PDE4D: variants seen among roughly 807,000 people sequenced by gnomAD.
PDE4D encodes 3',5'-cyclic-AMP phosphodiesterase 4D.
A neutral mutation model predicts 87.4 loss-of-function variants in PDE4D; 24 were observed. That is an observed-to-expected ratio of 0.27 (90% CI 0.20 to 0.39). The LOEUF is 0.39. Among genes scored for constraint, PDE4D ranks in the 10% least tolerant of loss-of-function variants. PDE4D has a pLI of 1.00. For synonymous variants in PDE4D, 384 were observed against 383.2 expected (o/e 1.00, Z -0.02); for missense variants, 714 against 1,041.0 (o/e 0.69, Z 4.32).
At chr5:60,267,304 G>A (rs961096889) in intron 1 of PDE4D, among the ~76,000 whole-genome samples, 5 of 152,200 alleles carry the variant, frequency 3.3e-5, no homozygotes, top group African/African-American at 1.2e-4. Context: ...TCATGTGAGG[G>A]TTGTGTGTGT....
At position 60,130,080 on chromosome 5, in the gene PDE4D, T is replaced by C. The variant is rs76205528; in HGVS notation, c.42+55477A>G. Among the ~76,000 whole-genome samples the C allele has an allele frequency of 6.7e-3, 1,024 of 152,274 alleles. 17 individuals are homozygous for C. Among genetic ancestry groups the C allele is most frequent in the East Asian group, 0.046 (240 of 5,178 alleles). ...GTGAGGACACAGGTAGAATGCACCA[T>C]CTATAAGCCAGAAAGTGGGCCCTCA... On this transcript the variant is annotated intron_variant, in intron 2 of 16. Transcript: ENST00000502484.
chr5:59,787,485 C>T (rs1765305485), intron 1 of PDE4D, among the ~76,000 whole-genome samples: 1 of 152,144 alleles, frequency 6.6e-6, no homozygotes, highest in Non-Finnish European at 1.5e-5. Context: ...ACTCTATCAC[C>T]CATACACATG....
intron 1 of PDE4D, among the ~76,000 whole-genome samples, chr5:59,792,583 C>T (rs186626556): frequency 2.0e-5 from 3 of 151,948 alleles, no homozygotes; most frequent in Non-Finnish European, 2.9e-5. Flanking sequence ...AGGTTTGTGC[C>T]GTGAAGGAGA....
At chr5:59,122,868 A>G (rs915860104) in intron 5 of PDE4D, among the ~76,000 whole-genome samples, 27 of 152,320 alleles carry the variant, frequency 1.8e-4, no homozygotes, top group African/African-American at 5.5e-4. Flanking sequence ...ACTTCAATGT[A>G]TGGGAAGCCT....
intron 1 of PDE4D, among the ~76,000 whole-genome samples, chr5:60,386,843 C>T (rs570226999): frequency 6.6e-6 from 1 of 152,172 alleles, no homozygotes; most frequent in Admixed American, 6.5e-5. Flanking sequence ...TGGTAGATAT[C>T]TTTGATCTGG....
intron 1 of PDE4D, among the ~76,000 whole-genome samples, chr5:60,420,350 G>T (rs1742979461): frequency 6.6e-6 from 1 of 152,128 alleles, no homozygotes; most frequent in Non-Finnish European, 1.5e-5. Context: ...ACTGAATACT[G>T]CCAGGTTGAA....
chr5:60,116,116 C>T (rs1370653622), intron 2 of PDE4D, among the ~76,000 whole-genome samples: 1 of 152,042 alleles, frequency 6.6e-6, no homozygotes, highest in African/African-American at 2.4e-5. Flanking sequence ...AGGTCTTCTA[C>T]ATAGCATGAG....
intron 1 of PDE4D, among the ~76,000 whole-genome samples, chr5:59,566,172 T>G (rs1205649709): frequency 6.6e-6 from 1 of 152,142 alleles, no homozygotes; most frequent in East Asian, 1.9e-4. Flanking sequence ...ATTTTGACTT[T>G]AGAGGAAACA....
At chr5:59,417,817 G>C (rs1024302324) in intron 1 of PDE4D, among the ~76,000 whole-genome samples, 4 of 152,222 alleles carry the variant, frequency 2.6e-5, no homozygotes, top group African/African-American at 9.6e-5. Flanking sequence ...TAATAGTAGG[G>C]CAGATCAGTC....
rs1005654781 is a variant in PDE4D, at chr5:58,988,479, TAA to T, written c.1552+12_1552+13del. 1.6e-5 allele frequency: 19 copies of T among 1,188,446 alleles called. No homozygotes were observed. In the Admixed American group the frequency reaches 4.2e-4, roughly 26 times the overall value. The allele number at this position is 1,188,446 out of a possible 1,614,324, so 73.6% of individuals were successfully genotyped here. ...AAGGGAAAAATGTGTTCTGAAAAAA[TAA>T]AGTTTACTTACTTGTATTGATCAGA... is the stretch of plus-strand genomic sequence containing the variant. On this transcript the variant is annotated intron_variant, in intron 11 of 14. Transcript: ENST00000340635.
intron 2 of PDE4D, 26 bp downstream of exon 2, chr5:59,215,751 C>T: frequency 6.2e-7 from 1 of 1,604,432 alleles, no homozygotes; most frequent in Non-Finnish European, 8.5e-7. Flanking sequence ...TCGGTTTTCT[C>T]TCTCTTTGCC....
At chr5:59,755,936 C>A (rs1296598313) in intron 1 of PDE4D, among the ~76,000 whole-genome samples, 56 of 150,860 alleles carry the variant, frequency 3.7e-4, no homozygotes, top group Non-Finnish European at 4.4e-5. Flanking sequence ...CTAATTTAAT[C>A]AGAGGGTTAT....
intron 2 of PDE4D, among the ~76,000 whole-genome samples, chr5:60,088,565 C>T (rs1774780556): frequency 6.6e-6 from 1 of 151,706 alleles, no homozygotes; most frequent in South Asian, 2.1e-4. Context: ...TGTTTATTTG[C>T]ATCAAAGTTA....
rs1260654484 is a variant in PDE4D, at chr5:58,970,897, T to C, written c.*3767A>G. ...GGGAAAGAATATATTTCCCCAGTTG[T>C]GTTTCCGAGTTAAAAAAAAAAAAAA... On this transcript the variant is annotated 3_prime_UTR_variant, in exon 15 of 15. Transcript: ENST00000340635. The C allele has an allele frequency of 6.8e-6, 1 of 146,114 alleles. No individual in the cohort carries two copies. Among genetic ancestry groups the C allele is most frequent in the Non-Finnish European group, 1.5e-5 (1 of 67,208 alleles). 9.1% of individuals were successfully genotyped at this position (146,114 alleles called of 1,614,324 possible).
At chr5:60,480,399 C>T (rs1382976400) in intron 1 of PDE4D, among the ~76,000 whole-genome samples, 1 of 151,982 alleles carries the variant, frequency 6.6e-6, no homozygotes, top group South Asian at 2.1e-4. Flanking sequence ...AAGCATTTTA[C>T]GTATATTAAT....
At chr5:60,407,499 G>A (rs557076452) in intron 1 of PDE4D, among the ~76,000 whole-genome samples, 3 of 128,732 alleles carry the variant, frequency 2.3e-5, no homozygotes, top group Non-Finnish European at 4.7e-5. Flanking sequence ...TGTCACCCAG[G>A]CTGGAGTGCA....
chr5:60,403,985 T>C (rs763473904), intron 1 of PDE4D, among the ~76,000 whole-genome samples: 1 of 152,206 alleles, frequency 6.6e-6, no homozygotes, highest in Non-Finnish European at 1.5e-5. Context: ...GCCAATATTT[T>C]ATATAAATGA....
intron 1 of PDE4D, among the ~76,000 whole-genome samples, chr5:60,446,056 C>T (rs1745614985): frequency 6.6e-6 from 1 of 152,094 alleles, no homozygotes; most frequent in South Asian, 2.1e-4. Context: ...ACTACCCAAC[C>T]TCACTAGTGA....
intron 1 of PDE4D, among the ~76,000 whole-genome samples, chr5:60,320,395 C>A (rs1373364727): frequency 6.6e-6 from 1 of 152,206 alleles, no homozygotes; most frequent in Non-Finnish European, 1.5e-5. Flanking sequence ...CTTTCTTTGA[C>A]TAGGAAAGGG....
Sources: allele counts gnomAD v4.1 joint callset (sites outside exome capture counted in the v4.1 genomes callset), GRCh38; gene constraint gnomAD v4.1.1; transcripts MANE v1.5; gene names NCBI Gene and HGNC (gene_info 2026-07-23, HGNC 2026-07-21).